C21orf58: variants seen among roughly 807,000 people sequenced by gnomAD.
C21orf58 encodes uncharacterized protein C21orf58.
C21orf58 carries 34 observed loss-of-function variants against 35.8 expected under a neutral mutation model. That is an observed-to-expected ratio of 0.95 (90% CI 0.72 to 1.26). C21orf58 has a LOEUF of 1.26. Ranked by LOEUF, C21orf58 falls within the 50% of genes most tolerant of loss-of-function variation. The pLI is 0.00. For missense variants in C21orf58, 440 were observed against 414.3 expected (o/e 1.06, Z -0.54); for synonymous variants, 191 against 175.8 (o/e 1.09, Z -0.68).
intron 6 of C21orf58, among the ~76,000 whole-genome samples, chr21:46,310,818 T>A (rs990793766): frequency 9.2e-5 from 14 of 151,404 alleles, no homozygotes; most frequent in African/African-American, 1.4e-4. Context: ...TCTCTCTCTC[T>A]CTAAATAAAT....
intron 1 of C21orf58, among the ~76,000 whole-genome samples, chr21:46,321,901 CTTTTT>C (rs397867797): frequency 5.9e-5 from 7 of 119,130 alleles, no homozygotes; most frequent in Admixed American, 9.2e-5. Context: ...ATCTGGGCAG[CTTTTT>C]TTTTTTTTTT....
chr21:46,318,105 G>A lies in C21orf58; in HGVS notation c.216C>T (p.Pro72=). The change falls in exon 2 of 8, where the codon CCC becomes CCT. Residue 72 remains proline (P), a synonymous_variant. Transcript: ENST00000291691. The part of the protein sequence containing the change: ...RTREGGGLWP[P]LPLQSSPAAP... ...CTGCAGGAGACGACTGTAGGGGCAG[G>A]GGAGGCCACAGCCCACCTCCCTCCC... The A allele has an allele frequency of 6.2e-7, 1 of 1,613,222 alleles. No individual in the cohort carries two copies. The highest frequency in any genetic ancestry group is 8.5e-7 in the Non-Finnish European group (1 of 1,179,972).
At chr21:46,308,811 G>C (rs1020157900) in intron 6 of C21orf58, among the ~76,000 whole-genome samples, 1 of 152,100 alleles carries the variant, frequency 6.6e-6, no homozygotes, top group Non-Finnish European at 1.5e-5. Flanking sequence ...GATTTCATGG[G>C]TTAATGTGTT....
At chr21:46,316,112 G>A (rs151282516) in intron 3 of C21orf58, among the ~76,000 whole-genome samples, 53 of 152,066 alleles carry the variant, frequency 3.5e-4, no homozygotes, top group Middle Eastern at 3.4e-3. Flanking sequence ...TCAGGCCACT[G>A]CACTCCATCC....
chr21:46,318,459 G>T (rs1357313789), intron 1 of C21orf58: 6 of 1,405,326 alleles, frequency 4.3e-6, no homozygotes, highest in Non-Finnish European at 5.5e-6. Context: ...CAGAGGGGCA[G>T]AACCCTCAGA....
intron 6 of C21orf58, among the ~76,000 whole-genome samples, chr21:46,305,899 G>A (rs527310126): frequency 2.0e-5 from 3 of 151,704 alleles, no homozygotes; most frequent in Middle Eastern, 3.4e-3. Flanking sequence ...CTGAGATTGC[G>A]CCACTGCACT....
downstream of C21orf58, chr21:46,300,882 A>C (rs2082084190): frequency 9.4e-6 from 10 of 1,059,476 alleles, no homozygotes; most frequent in Non-Finnish European, 1.1e-5. Flanking sequence ...TTGCACCCAA[A>C]AAAAAAAGTA....
intron 3 of C21orf58, 50 bp downstream of exon 3, chr21:46,317,158 C>A (rs749212165): frequency 5.7e-6 from 9 of 1,577,346 alleles, no homozygotes; most frequent in African/African-American, 1.3e-5. Flanking sequence ...CCTGGAGTGG[C>A]TACACTTGCG....
intron 6 of C21orf58, among the ~76,000 whole-genome samples, 162 bp from the exon 7 acceptor site, chr21:46,302,738 G>A (rs1414340894): frequency 4.0e-5 from 6 of 148,640 alleles, no homozygotes; most frequent in Admixed American, 1.3e-4. Context: ...TCCCCGGGGC[G>A]CGCCCTGAGC....
chr21:46,315,658 T>G (rs1402944324), intron 3 of C21orf58, 111 bp from the exon 4 acceptor site: 15 of 731,542 alleles, frequency 2.1e-5, no homozygotes, highest in Admixed American at 4.1e-5. Context: ...TCACCCACAC[T>G]CCCAGGATGG....
At position 46,308,149 on chromosome 21, in the gene C21orf58, G is replaced by A. The variant is rs191187674; in HGVS notation, c.721+3307C>T. ...GCTGGGACTACAGGCATGTGCCACCGCACCTGCTGATTTAACTTTTAAGAA... is the reference window on the plus strand; with the variant it reads ...GCTGGGACTACAGGCATGTGCCACCACACCTGCTGATTTAACTTTTAAGAA... On this transcript the variant is annotated intron_variant, in intron 6 of 7. Coordinates refer to ENST00000291691, the MANE Select transcript of C21orf58 (RefSeq NM_058180.5). Among the ~76,000 whole-genome samples the A allele has an allele frequency of 1.1e-4, 17 of 151,572 alleles. No homozygotes were observed. The East Asian group carries it at 3.0e-3, about 27-fold the overall frequency.
At chr21:46,321,465 A>G (rs2083153747) in intron 1 of C21orf58, among the ~76,000 whole-genome samples, 1 of 152,254 alleles carries the variant, frequency 6.6e-6, no homozygotes. Context: ...TGTGGTATCC[A>G]TCAGAACACC....
At chr21:46,319,309 C>T (rs2083081286) in intron 1 of C21orf58, among the ~76,000 whole-genome samples, 1 of 152,150 alleles carries the variant, frequency 6.6e-6, no homozygotes, top group South Asian at 2.1e-4. Context: ...GCCATCCAAC[C>T]AGAAATGAAG....
intron 1 of C21orf58, chr21:46,320,696 CAG>C (rs1470845643): frequency 2.6e-5 from 4 of 152,100 alleles, no homozygotes; most frequent in South Asian, 2.1e-4. Context: ...GGCCGTTTTA[CAG>C]ACAGTCTTGC....
chr21:46,309,376 C>T lies in C21orf58; in HGVS notation c.721+2080G>A, dbSNP rs576527208. ...ACTTGGGAGGCTGAGGCAGGAGAAT[C>T]GCTTGAACCCGGTGGGCAGAGGTTG... is the stretch of plus-strand genomic sequence containing the variant. On this transcript the variant is annotated intron_variant, in intron 6 of 7. Coordinates refer to ENST00000291691, the MANE Select transcript of C21orf58 (RefSeq NM_058180.5). Among the ~76,000 whole-genome samples the T allele has an allele frequency of 2.3e-3, 349 of 151,364 alleles. 4 individuals are homozygous for T. The highest frequency in any genetic ancestry group is 3.7e-3 in the Non-Finnish European group (249 of 67,828).
rs1337652459 is a variant in C21orf58 at position 46,301,332 on chromosome 21, A to G, written c.*667T>C. On this transcript the variant is annotated 3_prime_UTR_variant, in exon 8 of 8. Transcript: ENST00000291691. ...AGTTTTTTAAATTTATTTTTTGTAG[A>G]GACGGGGTCTTGCTATGTGACCCAG... The G allele has an allele frequency of 3.0e-6, 1 of 338,494 alleles. No homozygotes were observed. Among genetic ancestry groups the G allele is most frequent in the Admixed American group, 6.5e-5 (1 of 15,502 alleles). 21.0% of individuals were successfully genotyped at this position (338,494 alleles called of 1,614,324 possible).
intron 6 of C21orf58, among the ~76,000 whole-genome samples, chr21:46,303,908 C>T (rs1183056350): frequency 5.4e-5 from 8 of 148,248 alleles, no homozygotes; most frequent in African/African-American, 2.0e-4. Flanking sequence ...CCCGCCACTG[C>T]GCCCGGCTAA....
intron 6 of C21orf58, among the ~76,000 whole-genome samples, chr21:46,303,205 G>C (rs2082205635): frequency 6.6e-6 from 1 of 151,956 alleles, no homozygotes. Flanking sequence ...CAGTTGTAGT[G>C]GTGCATGCCT....
downstream of C21orf58, chr21:46,300,529 G>T: frequency 1.9e-6 from 1 of 534,494 alleles, no homozygotes; most frequent in Non-Finnish European, 2.6e-6. Flanking sequence ...AGCTTTTAAC[G>T]AGAGCACAGA....
Sources: allele counts gnomAD v4.1 joint callset (sites outside exome capture counted in the v4.1 genomes callset), GRCh38; gene constraint gnomAD v4.1.1; transcripts MANE v1.5; gene names NCBI Gene and HGNC (gene_info 2026-07-23, HGNC 2026-07-21).